Variants in SMAD1 observed in about 807,000 individuals in gnomAD.
The protein encoded by SMAD1 is MAD, mothers against decapentaplegic homolog 1.
A neutral mutation model predicts 41.6 loss-of-function variants in SMAD1; 6 were observed. The ratio of observed to expected loss-of-function variants is 0.14; its 90% confidence interval spans 0.08 to 0.28. The LOEUF (loss-of-function observed/expected upper bound fraction) is 0.28. SMAD1 is among the 10% of genes least tolerant of loss of function. SMAD1 has a pLI of 1.00. For missense variants in SMAD1, 379 were observed against 582.6 expected (o/e 0.65, Z 3.60); for synonymous variants, 206 against 203.2 (o/e 1.01, Z -0.12).
At chr4:145,519,577 C>T (rs891691724) in intron 2 of SMAD1, among the ~76,000 whole-genome samples, 7 of 150,398 alleles carry the variant, frequency 4.7e-5, no homozygotes, top group Admixed American at 1.3e-4. Flanking sequence ...TCACTTGAGC[C>T]TAGGAGGTCA....
intron 2 of SMAD1, among the ~76,000 whole-genome samples, chr4:145,538,047 T>C (rs1027734828): frequency 1.3e-5 from 2 of 152,174 alleles, no homozygotes; most frequent in Non-Finnish European, 2.9e-5. Flanking sequence ...GGGAGTGGTT[T>C]AGGGGCCAAT....
chr4:145,498,043 G>A (rs1729192533), intron 1 of SMAD1: 1 of 152,182 alleles, frequency 6.6e-6, no homozygotes, highest in African/African-American at 2.4e-5. Flanking sequence ...ATTTTTAGAA[G>A]TTATTCTTTC....
At chr4:145,515,736 G>A (rs962509467) in intron 2 of SMAD1, among the ~76,000 whole-genome samples, 2 of 152,180 alleles carry the variant, frequency 1.3e-5, no homozygotes, top group African/African-American at 4.8e-5. Context: ...ATTGGAAAGT[G>A]ATTAGATATT....
rs1048829612 is a variant in SMAD1 at position 145,542,594 on chromosome 4, C to T, written c.671C>T (p.Pro224Leu). The T allele has an allele frequency of 3.1e-6, 5 of 1,607,548 alleles. No homozygotes were observed. Among genetic ancestry groups the T allele is most frequent in the Non-Finnish European group, 4.2e-6 (5 of 1,177,196 alleles). The change falls in exon 4 of 7, where the codon CCA becomes CTA. Residue 224 changes from proline (P) to leucine (L), a missense_variant. Coordinates refer to ENST00000302085, the MANE Select transcript of SMAD1 (RefSeq NM_005900.3). ...SPFQMPADTP[P>L]PAYLPPEDPM... The stretch of plus-strand genomic sequence containing the variant: ...AAAAACTTTGTAGCTGATACGCCCC[C>T]ACCTGCTTACCTGCCTCCTGAAGAC...
intron 1 of SMAD1, among the ~76,000 whole-genome samples, chr4:145,505,894 G>A (rs1729748398): frequency 1.3e-5 from 2 of 151,594 alleles, no homozygotes; most frequent in South Asian, 4.2e-4. Context: ...ACCCAGGCTG[G>A]AGTGCAATGG....
intron 1 of SMAD1, among the ~76,000 whole-genome samples, chr4:145,499,332 T>C (rs1460290127): frequency 1.3e-5 from 2 of 152,182 alleles, no homozygotes; most frequent in Non-Finnish European, 2.9e-5. Flanking sequence ...AAAATTATTT[T>C]ATAAGATTGG....
rs1389741545 is a variant in SMAD1, at chr4:145,557,870, A to T, written c.1334A>T (p.Gln445Leu). ...GAGATACATCTGCACGGCCCCCTCC[A>T]GTGGCTGGATAAAGTTCTTACTCAA... ...WIEIHLHGPL[Q>L]WLDKVLTQMG... Residue 445 changes from glutamine (Q) to leucine (L), a missense_variant, in exon 7 of 7, where the codon CAG becomes CTG. By Grantham distance (113) the Gln-to-Leu change is moderately radical (BLOSUM62 -2). Transcript: ENST00000302085. 3.6e-5 allele frequency: 58 copies of T among 1,612,836 alleles called. No homozygotes were observed. Among genetic ancestry groups the T allele is most frequent in the Non-Finnish European group, 4.9e-5 (58 of 1,179,174 alleles).
chr4:145,504,748 T>G lies in SMAD1; in HGVS notation c.-176-9690T>G, dbSNP rs544174241. The stretch of plus-strand genomic sequence containing the variant: ...AAAGTTTGTAAGTTCCCAGTTCTTC[T>G]GGACTTCTGATTAATTCAGCCTGAT... On this transcript the variant is annotated intron_variant, in intron 1 of 6. Coordinates refer to ENST00000302085, the MANE Select transcript of SMAD1 (RefSeq NM_005900.3). Among the ~76,000 whole-genome samples, 110 of 152,368 alleles carry G rather than the reference T, an allele frequency of 7.2e-4. 1 individual carries two copies. In the South Asian group the frequency reaches 0.022, roughly 30 times the overall value.
rs563550038 is a variant in SMAD1, at chr4:145,542,661, G to A, written c.738G>A (p.Met246Ile). ...QDGSQPMDTNMMAPPLPSEIN... is the reference protein window; with the variant it reads ...QDGSQPMDTNIMAPPLPSEIN... ...GCTCTCAGCCGATGGACACAAACAT[G>A]ATGGCGCCTCCCCTGCCCTCAGAAA... The change falls in exon 4 of 7, where the codon ATG becomes ATA. Residue 246 changes from methionine (M) to isoleucine (I), a missense_variant. Transcript: ENST00000302085. 3.1e-6 allele frequency: 5 copies of A among 1,613,046 alleles called. No homozygotes were observed. In the Admixed American group the frequency reaches 5.0e-5, roughly 16 times the overall value.
At chr4:145,544,082 C>A (rs929816483) in intron 4 of SMAD1, 2 of 152,018 alleles carry the variant, frequency 1.3e-5, no homozygotes, top group African/African-American at 4.8e-5. Context: ...CATAAGTGAA[C>A]CCTGACGCAA....
chr4:145,539,785 T>C lies in SMAD1; in HGVS notation c.401-19T>C, dbSNP rs757428951. 1 of 1,609,528 alleles carries C rather than the reference T, an allele frequency of 6.2e-7. No individual in the cohort carries two copies. Among genetic ancestry groups the C allele is most frequent in the Non-Finnish European group, 8.5e-7 (1 of 1,176,290 alleles). Reference sequence around the variant, plus strand: ...AATTCTCATGTTTGTCCTTCTCTTTTTTCCCTTCCTTTTTCTAGTACTTCC... The same window carrying C: ...AATTCTCATGTTTGTCCTTCTCTTTCTTCCCTTCCTTTTTCTAGTACTTCC... On this transcript the variant is annotated intron_variant, in intron 2 of 6. Transcript: ENST00000302085.
intron 2 of SMAD1, among the ~76,000 whole-genome samples, chr4:145,526,939 T>C (rs555865838): frequency 1.3e-4 from 20 of 152,262 alleles, no homozygotes; most frequent in Non-Finnish European, 2.8e-4. Context: ...AGTGGTTACA[T>C]CTACTTTTCA....
At chr4:145,532,596 A>G (rs1278183280) in intron 2 of SMAD1, among the ~76,000 whole-genome samples, 2 of 152,244 alleles carry the variant, frequency 1.3e-5, no homozygotes, top group Non-Finnish European at 2.9e-5. Flanking sequence ...CTCTTCTTTG[A>G]AAGCAGATTC....
intron 6 of SMAD1, among the ~76,000 whole-genome samples, chr4:145,555,484 G>C (rs1210660564): frequency 6.6e-6 from 1 of 152,152 alleles, no homozygotes; most frequent in African/African-American, 2.4e-5. Flanking sequence ...GGATGGAGTT[G>C]AGAACTGTGG....
intron 4 of SMAD1, chr4:145,545,950 AG>A (rs1169092742): frequency 1.3e-5 from 2 of 152,238 alleles, no homozygotes; most frequent in Non-Finnish European, 2.9e-5. Flanking sequence ...GCATCCTGTC[AG>A]TAAAGTTGGG....
chr4:145,500,313 G>C (rs1346769321), intron 1 of SMAD1, among the ~76,000 whole-genome samples: 3 of 152,066 alleles, frequency 2.0e-5, no homozygotes, highest in Non-Finnish European at 4.4e-5. Context: ...TGGGTCAAAA[G>C]CTCTGAAGTC....
intron 3 of SMAD1, among the ~76,000 whole-genome samples, chr4:145,541,851 G>A (rs1177683688): frequency 6.6e-6 from 1 of 152,210 alleles, no homozygotes; most frequent in Non-Finnish European, 1.5e-5. Flanking sequence ...TTATTTGTGA[G>A]AAACCTATAC....
chr4:145,489,835 C>T (rs1427736448), intron 1 of SMAD1, among the ~76,000 whole-genome samples: 1 of 152,116 alleles, frequency 6.6e-6, no homozygotes, highest in Non-Finnish European at 1.5e-5. Flanking sequence ...TTGAATCTTC[C>T]ATTGGAGCCC....
chr4:145,534,699 G>T (rs995726239), intron 2 of SMAD1, among the ~76,000 whole-genome samples: 3 of 152,134 alleles, frequency 2.0e-5, no homozygotes, highest in Non-Finnish European at 1.5e-5. Flanking sequence ...GGGTTAACTG[G>T]CTAACCATTT....
Sources: gnomAD v4.1 joint callset for allele counts (sites outside exome capture counted in the v4.1 genomes callset) on GRCh38, gnomAD v4.1.1 for gene constraint, MANE v1.5 for transcripts, NCBI Gene and HGNC (gene_info 2026-07-23, HGNC 2026-07-21) for gene names.